MBD5: variants seen among roughly 807,000 people sequenced by gnomAD.
The protein encoded by MBD5 is methyl-CpG-binding domain protein 5.
Under a neutral mutation model 117.3 loss-of-function variants are expected in MBD5, and 13 were observed. The observed-to-expected ratio is 0.11, with a 90% CI of 0.07 to 0.18. The LOEUF is 0.18. Ranked by LOEUF, MBD5 falls within the 10% of genes least tolerant of loss-of-function variation. The pLI, the probability that MBD5 is intolerant of heterozygous loss-of-function variation, is 1.00. For missense variants in MBD5, 1,879 were observed against 2,093.8 expected (o/e 0.90, Z 2.00); for synonymous variants, 727 against 766.4 (o/e 0.95, Z 0.85).
intron 1 of MBD5, among the ~76,000 whole-genome samples, chr2:148,068,973 T>C (rs1407025048): frequency 6.6e-6 from 1 of 152,236 alleles, no homozygotes; most frequent in Admixed American, 6.5e-5. Context: ...TTTTAATAAT[T>C]GAAAAACACT....
chr2:148,325,425 T>G (rs936142891), intron 3 of MBD5, among the ~76,000 whole-genome samples: 33 of 152,328 alleles, frequency 2.2e-4, no homozygotes, highest in African/African-American at 7.9e-4. Context: ...AGTTCCTCCT[T>G]ATACCTCTGG....
At chr2:148,271,236 T>C (rs1700979406) in intron 3 of MBD5, among the ~76,000 whole-genome samples, 1 of 152,194 alleles carries the variant, frequency 6.6e-6, no homozygotes, top group Non-Finnish European at 1.5e-5. Context: ...GGCTGGACTA[T>C]AAAATTTTTA....
chr2:148,418,454 T>G (rs1705495086), intron 4 of MBD5, among the ~76,000 whole-genome samples: 1 of 152,198 alleles, frequency 6.6e-6, no homozygotes. Context: ...TGATGTGATC[T>G]GATCTGATAC....
intron 1 of MBD5, among the ~76,000 whole-genome samples, chr2:148,052,486 A>G (rs549941893): frequency 6.6e-6 from 1 of 152,274 alleles, no homozygotes; most frequent in African/African-American, 2.4e-5. Flanking sequence ...CTGGTGTTAC[A>G]GGCCTGAGAC....
At chr2:148,059,909 C>T (rs1335379524) in intron 1 of MBD5, among the ~76,000 whole-genome samples, 1 of 151,012 alleles carries the variant, frequency 6.6e-6, no homozygotes, top group African/African-American at 2.4e-5. Context: ...AGCACAGGAT[C>T]AGAGAGGATC....
At chr2:148,380,538 A>G (rs1704107265) in intron 4 of MBD5, among the ~76,000 whole-genome samples, 1 of 152,218 alleles carries the variant, frequency 6.6e-6, no homozygotes, top group South Asian at 2.1e-4. Context: ...AATACTTTTA[A>G]CTAGACAAAA....
At chr2:148,379,828 T>A (rs781188682) in intron 4 of MBD5, among the ~76,000 whole-genome samples, 22 of 151,982 alleles carry the variant, frequency 1.4e-4, no homozygotes, top group South Asian at 4.1e-4. Context: ...CAATAAAGGA[T>A]TACAATCCAA....
chr2:148,303,056 C>T (rs550497994), intron 3 of MBD5, among the ~76,000 whole-genome samples: 4 of 151,586 alleles, frequency 2.6e-5, no homozygotes, highest in African/African-American at 9.7e-5. Flanking sequence ...TAGTTGGTCT[C>T]AGAAAGTGAA....
At chr2:148,038,439 T>A (rs1450073392) in intron 1 of MBD5, among the ~76,000 whole-genome samples, 1 of 151,404 alleles carries the variant, frequency 6.6e-6, no homozygotes, top group African/African-American at 2.4e-5. Context: ...CAGGGTTGTA[T>A]CTTTTTTCTT....
intron 4 of MBD5, among the ~76,000 whole-genome samples, chr2:148,353,119 A>G (rs1374172674): frequency 1.3e-5 from 2 of 152,130 alleles, no homozygotes; most frequent in African/African-American, 4.8e-5. Context: ...TTACTTTAGT[A>G]AAAAAGGGCA....
intron 3 of MBD5, among the ~76,000 whole-genome samples, chr2:148,258,978 A>G (rs1396030774): frequency 6.6e-6 from 1 of 152,126 alleles, no homozygotes; most frequent in African/African-American, 2.4e-5. Context: ...AGGGAGTCAA[A>G]GGCACTCAGG....
intron 1 of MBD5, among the ~76,000 whole-genome samples, chr2:148,167,185 T>G (rs1170136478): frequency 6.6e-6 from 1 of 152,182 alleles, no homozygotes; most frequent in African/African-American, 2.4e-5. Context: ...AAAAGAATTT[T>G]TAGTCTTTAT....
At chr2:148,287,303 C>T (rs747504393) in intron 3 of MBD5, among the ~76,000 whole-genome samples, 8 of 152,154 alleles carry the variant, frequency 5.3e-5, no homozygotes, top group Non-Finnish European at 8.8e-5. Flanking sequence ...GCATAGATAG[C>T]ATCCCAAAAG....
intron 2 of MBD5, among the ~76,000 whole-genome samples, chr2:148,219,430 T>TA (rs1388501188): frequency 6.6e-6 from 1 of 152,132 alleles, no homozygotes; most frequent in Non-Finnish European, 1.5e-5. Context: ...AATTAAAACA[T>TA]AGAGTATAGT....
At chr2:148,323,436 G>T (rs1283072715) in intron 3 of MBD5, among the ~76,000 whole-genome samples, 1 of 151,838 alleles carries the variant, frequency 6.6e-6, no homozygotes, top group East Asian at 1.9e-4. Flanking sequence ...CTTCCACAAC[G>T]GTTGAACTAG....
Position 148,196,987 on chromosome 2 carries a change from C to A in MBD5, c.-831+18194C>A, listed in dbSNP as rs1416875902. 7.2e-5 allele frequency among the ~76,000 whole-genome samples: 11 copies of A among 152,140 alleles called. No homozygotes were observed. The South Asian group carries it at 2.3e-3, about 32-fold the overall frequency. Reference sequence around the variant, plus strand: ...ACAAAAGTATGGCAACTTATATTTGCCAAAACCAGCTACAGAAATATTCCA... The same window carrying A: ...ACAAAAGTATGGCAACTTATATTTGACAAAACCAGCTACAGAAATATTCCA... On this transcript the variant is annotated intron_variant, in intron 2 of 13. Transcript: ENST00000642680.
At chr2:148,220,258 G>C (rs1277996377) in intron 2 of MBD5, among the ~76,000 whole-genome samples, 1 of 152,062 alleles carries the variant, frequency 6.6e-6, no homozygotes, top group Non-Finnish European at 1.5e-5. Context: ...CTTCAATTGA[G>C]AGATGACTGT....
At chr2:148,396,432 CA>C (rs1171777908) in intron 4 of MBD5, among the ~76,000 whole-genome samples, 2 of 152,190 alleles carry the variant, frequency 1.3e-5, no homozygotes, top group Non-Finnish European at 2.9e-5. Context: ...CCTTGATTTC[CA>C]TGAATCTACA....
chr2:148,258,288 A>G (rs577580048), intron 3 of MBD5, among the ~76,000 whole-genome samples: 2 of 152,328 alleles, frequency 1.3e-5, no homozygotes, highest in South Asian at 4.2e-4. Context: ...CACAGTATAT[A>G]AACGGGGAGT....
Sources: gnomAD v4.1 joint callset for allele counts (sites outside exome capture counted in the v4.1 genomes callset) on GRCh38, gnomAD v4.1.1 for gene constraint, MANE v1.5 for transcripts, NCBI Gene and HGNC (gene_info 2026-07-23, HGNC 2026-07-21) for gene names.